Variants in MEMO1 observed in about 807,000 individuals in gnomAD.
MEMO1 encodes the protein mediator of cell motility 1, also known as protein MEMO1.
A neutral mutation model predicts 45.2 loss-of-function variants in MEMO1; 6 were observed. That is an observed-to-expected ratio of 0.13 (90% CI 0.07 to 0.26). MEMO1 has a LOEUF of 0.26. Among genes scored for constraint, MEMO1 ranks in the 10% least tolerant of loss-of-function variants. The pLI is 1.00. For synonymous variants in MEMO1, 78 were observed against 124.3 expected (o/e 0.63, Z 2.48); for missense variants, 184 against 370.5 (o/e 0.50, Z 4.13).
intron 2 of MEMO1, among the ~76,000 whole-genome samples, chr2:31,976,850 T>C (rs531298118): frequency 6.6e-6 from 1 of 152,154 alleles, no homozygotes; most frequent in East Asian, 1.9e-4. Context: ...AAAATGAAAA[T>C]GTTAATTAAG....
At chr2:31,987,821 T>C (rs1015171436) in intron 2 of MEMO1, among the ~76,000 whole-genome samples, 1 of 152,098 alleles carries the variant, frequency 6.6e-6, no homozygotes, top group African/African-American at 2.4e-5. Context: ...TAGTGTATGG[T>C]AAAAAAAGCA....
chr2:32,007,013 G>T (rs913619350), intron 2 of MEMO1, among the ~76,000 whole-genome samples: 13 of 147,338 alleles, frequency 8.8e-5, no homozygotes, highest in Non-Finnish European at 1.3e-4. Flanking sequence ...CATCCTATGA[G>T]ATTAAATTTC....
chr2:31,877,128 C>T (rs910700702), intron 8 of MEMO1, among the ~76,000 whole-genome samples: 1 of 152,226 alleles, frequency 6.6e-6, no homozygotes, highest in African/African-American at 2.4e-5. Flanking sequence ...CATTCAACAA[C>T]TGTATATATT....
chr2:32,002,338 T>C (rs574195628), intron 2 of MEMO1, among the ~76,000 whole-genome samples: 1 of 148,944 alleles, frequency 6.7e-6, no homozygotes, highest in Admixed American at 6.8e-5. Flanking sequence ...TATATACATA[T>C]ACATATATAC....
rs930837952 is a variant in MEMO1, at chr2:31,994,011, A to T, written c.61+16176T>A. Among the ~76,000 whole-genome samples the T allele has an allele frequency of 3.6e-5, 4 of 110,604 alleles. No homozygotes were observed. In the Admixed American group the frequency reaches 5.8e-4, roughly 16 times the overall value. 72.6% of individuals were successfully genotyped at this position (110,604 alleles called of 152,430 possible). The stretch of plus-strand genomic sequence containing the variant: ...AGTCTTGCTCTGTCGCCCAGGCTTG[A>T]GTGCAGTGACATGATCTCGGCTCAC... On this transcript the variant is annotated intron_variant, in intron 2 of 9. Transcript: ENST00000404530.
chr2:31,950,517 G>T (rs1364139030), intron 2 of MEMO1, among the ~76,000 whole-genome samples: 2 of 151,898 alleles, frequency 1.3e-5, no homozygotes, highest in African/African-American at 4.8e-5. Flanking sequence ...TCAGGAATTT[G>T]AGACCAGCCT....
chr2:31,958,964 C>A (rs1446168780), intron 2 of MEMO1, among the ~76,000 whole-genome samples: 8 of 152,088 alleles, frequency 5.3e-5, no homozygotes, highest in African/African-American at 1.9e-4. Context: ...CTGTGTTAAA[C>A]AAAGTTAGAC....
Position 31,991,347 on chromosome 2 carries a change from G to C in MEMO1, c.61+18840C>G, listed in dbSNP as rs1572912977. ...CAGCACTTTGGGAGCCGAGGTGGGAGGATCATCTGAGGTCTGGAGGTCGAG... is the reference window on the plus strand; with the variant it reads ...CAGCACTTTGGGAGCCGAGGTGGGACGATCATCTGAGGTCTGGAGGTCGAG... On this transcript the variant is annotated intron_variant, in intron 2 of 9. Coordinates refer to ENST00000404530, the MANE Select transcript of MEMO1 (RefSeq NM_001301833.4). Among the ~76,000 whole-genome samples the C allele has an allele frequency of 1.5e-4, 23 of 152,256 alleles. 2 individuals are homozygous for C. In the South Asian group the frequency reaches 4.8e-3, roughly 32 times the overall value.
chr2:31,988,997 G>A (rs1002165854), intron 2 of MEMO1, among the ~76,000 whole-genome samples: 3 of 151,898 alleles, frequency 2.0e-5, no homozygotes, highest in East Asian at 1.9e-4. Flanking sequence ...ACCTGAGTTC[G>A]GGAGTTTGAG....
intron 6 of MEMO1, among the ~76,000 whole-genome samples, chr2:31,914,934 G>C (rs1462823441): frequency 4.0e-5 from 6 of 149,006 alleles, no homozygotes; most frequent in Non-Finnish European, 1.5e-5. Flanking sequence ...TCAAGCCTGG[G>C]TGACAGAATG....
At chr2:31,987,393 G>A (rs1671399549) in intron 2 of MEMO1, among the ~76,000 whole-genome samples, 1 of 152,116 alleles carries the variant, frequency 6.6e-6, no homozygotes, top group African/African-American at 2.4e-5. Context: ...CATGTGGGCT[G>A]AAATAAGAAG....
rs1375875008 is a variant in MEMO1, at chr2:31,939,581, T to C, written c.143+3721A>G. Reference sequence around the variant, plus strand: ...TTAGAACAAGTTTTAACTGGAAAGGTAGCATACCATAATAGTCAAATACCA... The same window carrying C: ...TTAGAACAAGTTTTAACTGGAAAGGCAGCATACCATAATAGTCAAATACCA... On this transcript the variant is annotated intron_variant, in intron 3 of 9. Coordinates refer to ENST00000404530, the MANE Select transcript of MEMO1 (RefSeq NM_001301833.4). 2.0e-5 allele frequency among the ~76,000 whole-genome samples: 3 copies of C among 152,190 alleles called. No individual in the cohort carries two copies. The East Asian group carries it at 5.8e-4, about 29-fold the overall frequency.
intron 2 of MEMO1, among the ~76,000 whole-genome samples, chr2:32,009,784 G>C (rs910112066): frequency 2.0e-5 from 3 of 152,136 alleles, no homozygotes; most frequent in Non-Finnish European, 4.4e-5. Context: ...GCTCGGCGCC[G>C]GGCACACCGT....
intron 4 of MEMO1, among the ~76,000 whole-genome samples, chr2:31,931,241 C>T (rs1336168002): frequency 1.3e-5 from 2 of 152,088 alleles, no homozygotes; most frequent in Non-Finnish European, 2.9e-5. Flanking sequence ...GAATGAACTG[C>T]TCAAAGGCAA....
intron 2 of MEMO1, among the ~76,000 whole-genome samples, chr2:31,983,498 A>C (rs930521714): frequency 6.6e-5 from 10 of 152,012 alleles, no homozygotes; most frequent in African/African-American, 2.2e-4. Context: ...AGGGTGGCAC[A>C]ATCTCGGCTC....
At chr2:31,894,222 G>A (rs754090943) in intron 6 of MEMO1, among the ~76,000 whole-genome samples, 1 of 152,150 alleles carries the variant, frequency 6.6e-6, no homozygotes, top group Non-Finnish European at 1.5e-5. Flanking sequence ...AAAAACTACA[G>A]AACTTCTTGG....
intron 4 of MEMO1, among the ~76,000 whole-genome samples, chr2:31,927,837 ATAAGT>A (rs1486833716): frequency 6.6e-6 from 1 of 152,144 alleles, no homozygotes; most frequent in Non-Finnish European, 1.5e-5. Flanking sequence ...GGTGTCCTTA[ATAAGT>A]TAAGGGTTCC....
At chr2:31,971,525 C>T (rs1356962312) in intron 2 of MEMO1, among the ~76,000 whole-genome samples, 1 of 152,116 alleles carries the variant, frequency 6.6e-6, no homozygotes, top group Non-Finnish European at 1.5e-5. Context: ...TCCCCGTGCC[C>T]AGCCTAAACC....
chr2:31,882,251 C>T (rs529828762), intron 8 of MEMO1, among the ~76,000 whole-genome samples: 2 of 151,982 alleles, frequency 1.3e-5, no homozygotes, highest in African/African-American at 2.4e-5. Context: ...CCAGGAATTC[C>T]AGGTTGCAGG....
Sources: gnomAD v4.1 joint callset for allele counts (sites outside exome capture counted in the v4.1 genomes callset) on GRCh38, gnomAD v4.1.1 for gene constraint, MANE v1.5 for transcripts, NCBI Gene and HGNC (gene_info 2026-07-23, HGNC 2026-07-21) for gene names.